The following FGF12 variants were observed in gnomAD, a reference collection of about 807,000 sequenced individuals.
FGF12 encodes the protein fibroblast growth factor 12B.
A neutral mutation model predicts 23.6 loss-of-function variants in FGF12; 14 were observed. The ratio of observed to expected loss-of-function variants is 0.59; its 90% CI spans 0.39 to 0.93. The LOEUF is 0.93. FGF12 is among the 40% of genes least tolerant of loss of function. The pLI is 0.00. For missense variants in FGF12, 175 were observed against 217.8 expected (o/e 0.80, Z 1.24); for synonymous variants, 62 against 77.3 (o/e 0.80, Z 1.04).
At chr3:192,219,578 C>A (rs1276346594) in intron 4 of FGF12, among the ~76,000 whole-genome samples, 2 of 150,376 alleles carry the variant, frequency 1.3e-5, no homozygotes, top group East Asian at 2.3e-4. Flanking sequence ...CTACAGTGAG[C>A]TGGGCTACAG....
At chr3:192,167,769 A>ATATAT (rs1553845519) in intron 5 of FGF12, among the ~76,000 whole-genome samples, 585 of 38,702 alleles carry the variant, frequency 0.015, 53 homozygotes, top group South Asian at 0.029. Context: ...ATATATATAT[A>ATATAT]AAATTTTTTT....
chr3:192,323,833 G>A (rs1294237828), intron 4 of FGF12, among the ~76,000 whole-genome samples: 4 of 152,120 alleles, frequency 2.6e-5, no homozygotes, highest in African/African-American at 4.8e-5. Flanking sequence ...GCTCATGCCC[G>A]TAATCTTAGC....
chr3:192,627,112 T>G (rs1281613189), intron 2 of FGF12, among the ~76,000 whole-genome samples: 3 of 152,174 alleles, frequency 2.0e-5, no homozygotes, highest in Admixed American at 1.3e-4. Context: ...CGATTCCTAT[T>G]GTATTCCTTT....
chr3:192,344,407 T>A (rs903137972), intron 3 of FGF12, among the ~76,000 whole-genome samples: 3 of 152,102 alleles, frequency 2.0e-5, no homozygotes, highest in African/African-American at 7.2e-5. Flanking sequence ...GAAGTTCCCA[T>A]AAGCAAAACA....
intron 2 of FGF12, among the ~76,000 whole-genome samples, chr3:192,506,287 G>C (rs1724292122): frequency 6.6e-6 from 1 of 152,244 alleles, no homozygotes; most frequent in South Asian, 2.1e-4. Flanking sequence ...CTCAAAGCCA[G>C]TGCCTGTTTA....
intron 2 of FGF12, among the ~76,000 whole-genome samples, chr3:192,653,245 C>T (rs1199916190): frequency 6.6e-6 from 1 of 152,156 alleles, no homozygotes; most frequent in Non-Finnish European, 1.5e-5. Flanking sequence ...CTCTTTATGT[C>T]ATCACTGTAA....
intron 2 of FGF12, among the ~76,000 whole-genome samples, chr3:192,714,611 C>G (rs375614296): frequency 6.6e-6 from 1 of 150,472 alleles, no homozygotes; most frequent in East Asian, 2.0e-4. Flanking sequence ...CTCCGCCTCC[C>G]GGGTTCACGC....
chr3:192,330,543 C>G (rs1717058700), intron 4 of FGF12, among the ~76,000 whole-genome samples: 1 of 152,108 alleles, frequency 6.6e-6, no homozygotes, highest in African/African-American at 2.4e-5. Flanking sequence ...TGGACCCTTA[C>G]CTTACACCAC....
At chr3:192,526,616 A>G (rs1724951762) in intron 2 of FGF12, among the ~76,000 whole-genome samples, 1 of 152,168 alleles carries the variant, frequency 6.6e-6, no homozygotes, top group African/African-American at 2.4e-5. Context: ...TTTCATGGTA[A>G]GTCTTAAAAG....
intron 2 of FGF12, among the ~76,000 whole-genome samples, chr3:192,597,272 A>G (rs1713898038): frequency 6.6e-6 from 1 of 152,188 alleles, no homozygotes; most frequent in South Asian, 2.1e-4. Context: ...CTACATCCTC[A>G]AAATTCTATT....
chr3:192,266,714 G>A (rs1713099263), intron 4 of FGF12, among the ~76,000 whole-genome samples: 1 of 151,816 alleles, frequency 6.6e-6, no homozygotes, highest in South Asian at 2.1e-4. Flanking sequence ...TGCTCAATCA[G>A]TCTTACTCCA....
chr3:192,681,661 T>G (rs1422131197), intron 2 of FGF12, among the ~76,000 whole-genome samples: 2 of 152,200 alleles, frequency 1.3e-5, no homozygotes, highest in Non-Finnish European at 2.9e-5. Flanking sequence ...TTTTAAAGTT[T>G]TCTATTTTTT....
intron 2 of FGF12, among the ~76,000 whole-genome samples, chr3:192,616,538 T>C (rs1036006512): frequency 1.3e-5 from 2 of 152,024 alleles, no homozygotes; most frequent in Non-Finnish European, 2.9e-5. Context: ...CAGAATTTTG[T>C]TGTTTGAAGA....
chr3:192,664,083 A>T (rs981948144), intron 2 of FGF12, among the ~76,000 whole-genome samples: 1 of 152,222 alleles, frequency 6.6e-6, no homozygotes. Context: ...ACCTTTCTCA[A>T]GATACGTGGA....
chr3:192,621,058 C>T (rs973580455), intron 2 of FGF12, among the ~76,000 whole-genome samples: 2 of 152,080 alleles, frequency 1.3e-5, no homozygotes, highest in Admixed American at 6.6e-5. Flanking sequence ...CAAACATCTC[C>T]TCCCCTCAAC....
chr3:192,718,185 T>TTTC (rs1718923630), intron 2 of FGF12, among the ~76,000 whole-genome samples: 1 of 147,694 alleles, frequency 6.8e-6, no homozygotes, highest in Non-Finnish European at 1.5e-5. Flanking sequence ...TTTTTTTTTT[T>TTTC]AGCAAGAAGG....
At chr3:192,444,539 G>C (rs1321715251) in intron 2 of FGF12, among the ~76,000 whole-genome samples, 1 of 152,022 alleles carries the variant, frequency 6.6e-6, no homozygotes, top group African/African-American at 2.4e-5. Flanking sequence ...GAACCAGTGG[G>C]GAAAAAAGCA....
At chr3:192,504,474 T>C (rs1724234417) in intron 2 of FGF12, among the ~76,000 whole-genome samples, 1 of 152,204 alleles carries the variant, frequency 6.6e-6, no homozygotes, top group Non-Finnish European at 1.5e-5. Flanking sequence ...TTTCCCAGAG[T>C]ATTGGAAATA....
At chr3:192,553,803 C>G (rs183935366) in intron 2 of FGF12, among the ~76,000 whole-genome samples, 278 of 152,000 alleles carry the variant, frequency 1.8e-3, no homozygotes, top group Non-Finnish European at 2.6e-3. Flanking sequence ...CAGACTTTTG[C>G]GGTGCTGCCC....
Sources: allele counts gnomAD v4.1 joint callset (sites outside exome capture counted in the v4.1 genomes callset), GRCh38; gene constraint gnomAD v4.1.1; transcripts MANE v1.5; gene names NCBI Gene and HGNC (gene_info 2026-07-23, HGNC 2026-07-21).